SGK1: variants seen among roughly 807,000 people sequenced by gnomAD.
The protein encoded by SGK1 is serum/glucocorticoid regulated kinase 1, also known as serine/threonine-protein kinase Sgk1.
Under a neutral mutation model 64.2 loss-of-function variants are expected in SGK1, and 26 were observed. The ratio of observed to expected loss-of-function variants is 0.40; its 90% CI spans 0.30 to 0.56. SGK1 has a LOEUF of 0.56. Among genes scored for constraint, SGK1 ranks in the 20% least tolerant of loss-of-function variants. SGK1 has a pLI of 0.38. For synonymous variants in SGK1, 265 were observed against 239.7 expected (o/e 1.11, Z -0.98); for missense variants, 519 against 645.6 (o/e 0.80, Z 2.12).
chr6:134,190,313 T>G (rs1775490304), intron 3 of SGK1, among the ~76,000 whole-genome samples: 1 of 145,912 alleles, frequency 6.9e-6, no homozygotes, highest in Non-Finnish European at 1.5e-5. Context: ...TGAGATAGAG[T>G]CTGGCTGTAT....
chr6:134,226,152 A>AG (rs1776173529), intron 2 of SGK1, among the ~76,000 whole-genome samples: 1 of 151,708 alleles, frequency 6.6e-6, no homozygotes. Flanking sequence ...GAAGGAAGGA[A>AG]GAAGAAAAAA....
intron 1 of SGK1, among the ~76,000 whole-genome samples, chr6:134,283,907 G>A (rs1483676017): frequency 4.0e-3 from 191 of 47,790 alleles, no homozygotes; most frequent in Non-Finnish European, 5.6e-3. Context: ...AAAAAAAAAA[G>A]CCTGACCAAT....
At chr6:134,232,495 G>T (rs889651298) in intron 2 of SGK1, among the ~76,000 whole-genome samples, 2 of 125,686 alleles carry the variant, frequency 1.6e-5, no homozygotes, top group East Asian at 2.7e-4. Context: ...GAAAGAAAAA[G>T]AAAAGAAAGA....
intron 1 of SGK1, among the ~76,000 whole-genome samples, chr6:134,276,230 A>G (rs1401068649): frequency 2.6e-5 from 4 of 152,202 alleles, no homozygotes; most frequent in African/African-American, 7.2e-5. Flanking sequence ...TTCAAGGCAC[A>G]GGGAATGACA....
intron 1 of SGK1, among the ~76,000 whole-genome samples, chr6:134,269,657 CAAA>C (rs774346061): frequency 3.9e-5 from 4 of 101,646 alleles, no homozygotes; most frequent in African/African-American, 3.5e-5. Flanking sequence ...GACTCTGTCT[CAAA>C]AAAAAAAAAA....
chr6:134,169,939 G>A lies in SGK1; in HGVS notation c.*329C>T, dbSNP rs55894848. The A allele has an allele frequency of 1.4e-3, 250 of 182,752 alleles. 4 individuals are homozygous for A. In the South Asian group the frequency reaches 0.019, roughly 14 times the overall value. 11.3% of individuals were successfully genotyped at this position (182,752 alleles called of 1,614,324 possible). A position where few individuals can be genotyped will look rare whatever the true frequency, so the allele number is the denominator to read the frequency against. ...ACATTTCATAATATTCGTCATCACAGCCCAGACAGATCTGCAGGAGACCTT... is the reference window on the plus strand; with the variant it reads ...ACATTTCATAATATTCGTCATCACAACCCAGACAGATCTGCAGGAGACCTT... On this transcript the variant is annotated 3_prime_UTR_variant, in exon 14 of 14. Coordinates refer to ENST00000367858, the MANE Select transcript of SGK1 (RefSeq NM_001143676.3).
intron 3 of SGK1, among the ~76,000 whole-genome samples, chr6:134,190,827 T>G (rs1435373593): frequency 1.3e-5 from 2 of 152,200 alleles, no homozygotes; most frequent in Non-Finnish European, 2.9e-5. Flanking sequence ...GAAAGAGGCA[T>G]ACGATGGTAA....
At chr6:134,298,252 C>T (rs984471281) in intron 1 of SGK1, 62 of 1,579,398 alleles carry the variant, frequency 3.9e-5, no homozygotes, top group Middle Eastern at 2.0e-4. Context: ...CTCCAGCTGC[C>T]GCCTAAGGTT....
At chr6:134,301,324 G>A (rs1777449895) in intron 1 of SGK1, among the ~76,000 whole-genome samples, 1 of 152,172 alleles carries the variant, frequency 6.6e-6, no homozygotes, top group Non-Finnish European at 1.5e-5. Flanking sequence ...GCAAAAAGAT[G>A]TTCAGAGGCT....
chr6:134,236,345 C>A (rs977298361), intron 2 of SGK1, among the ~76,000 whole-genome samples: 1 of 152,020 alleles, frequency 6.6e-6, no homozygotes, highest in East Asian at 1.9e-4. Flanking sequence ...TTTTAAAAAA[C>A]ATTAAGGGAG....
At chr6:134,314,734 G>T (rs973098200) in intron 1 of SGK1, among the ~76,000 whole-genome samples, 3 of 150,584 alleles carry the variant, frequency 2.0e-5, no homozygotes, top group Non-Finnish European at 4.4e-5. Context: ...AGGAAGCACT[G>T]TTTAAGCCTC....
chr6:134,172,397 G>T, intron 9 of SGK1, 81 bp from the exon 10 acceptor site: 1 of 1,382,776 alleles, frequency 7.2e-7, no homozygotes, highest in Non-Finnish European at 1.0e-6. Flanking sequence ...ATTGCTAAAG[G>T]TATTAGAGGC....
intron 3 of SGK1, among the ~76,000 whole-genome samples, chr6:134,188,646 T>G (rs1463290847): frequency 6.6e-6 from 1 of 152,178 alleles, no homozygotes; most frequent in African/African-American, 2.4e-5. Flanking sequence ...AACTTCATAC[T>G]AAGCAATAAA....
intron 1 of SGK1, among the ~76,000 whole-genome samples, chr6:134,299,535 A>G (rs6569937): frequency 0.53 from 80,464 of 151,954 alleles, 22,032 homozygotes; most frequent in East Asian, 0.91. Context: ...TTATGCCAAG[A>G]AGTGAAGGGA....
At chr6:134,174,819 G>T in intron 3 of SGK1, 1 of 1,614,062 alleles carries the variant, frequency 6.2e-7, no homozygotes, top group Non-Finnish European at 8.5e-7. Flanking sequence ...ACCACCGCGG[G>T]GAGACAGAAA....
intron 2 of SGK1, chr6:134,214,989 T>C: frequency 2.3e-6 from 1 of 441,716 alleles, no homozygotes. Context: ...TGTTTTGACA[T>C]CTAGAAGTAT....
chr6:134,207,669 C>G (rs537298104), intron 2 of SGK1, among the ~76,000 whole-genome samples: 1 of 152,298 alleles, frequency 6.6e-6, no homozygotes, highest in East Asian at 1.9e-4. Flanking sequence ...ACACATGAAG[C>G]AGTTTCACTG....
Position 134,233,422 on chromosome 6 carries a change from C to T in SGK1, c.286-25991G>A, listed in dbSNP as rs576769597. Among the ~76,000 whole-genome samples the T allele has an allele frequency of 3.9e-5, 6 of 152,266 alleles. No individual in the cohort carries two copies. In the East Asian group the frequency reaches 1.2e-3, roughly 29 times the overall value. The stretch of plus-strand genomic sequence containing the variant: ...CCCTTCTGAGGATTCTCCTTTAGGT[C>T]CCATGAGCATCAATCATTATTTCTA... On this transcript the variant is annotated intron_variant, in intron 2 of 13. Coordinates refer to ENST00000367858, the MANE Select transcript of SGK1 (RefSeq NM_001143676.3).
In SGK1 at chr6:134,174,075, T is replaced by G; in HGVS notation, c.443A>C (p.Glu148Ala). The part of the protein sequence containing the change: ...ANNSYACKHP[E>A]VQSILKISQP... Reference sequence around the variant, plus strand: ...GGAGATCTTCAAGATGGACTGAACTTCAGGGCTGCAGGGAATAAAGGGCAC... The same window carrying G: ...GGAGATCTTCAAGATGGACTGAACTGCAGGGCTGCAGGGAATAAAGGGCAC... Residue 148 changes from glutamate (E) to alanine (A), a missense_variant, in exon 5 of 14, where the codon GAA becomes GCA. Physicochemically the swap from Glu to Ala is moderately radical, Grantham distance 107. This residue lies in a region of SGK1 where 241 missense variants were observed against 236.9 expected (regional missense o/e 1.02). Transcript: ENST00000367858. 1 of 1,613,114 alleles carries G rather than the reference T, an allele frequency of 6.2e-7. No individual in the cohort carries two copies.
Sources: allele counts gnomAD v4.1 joint callset (sites outside exome capture counted in the v4.1 genomes callset), GRCh38; gene constraint gnomAD v4.1.1; regional missense constraint gnomAD v4.1.1; transcripts MANE v1.5; gene names NCBI Gene and HGNC (gene_info 2026-07-23, HGNC 2026-07-21).